The following SYNPO variants were observed in gnomAD, a reference collection of about 807,000 sequenced individuals.
SYNPO encodes synaptopodin.
SYNPO carries 19 observed loss-of-function variants against 49.5 expected under a neutral mutation model. The ratio of observed to expected loss-of-function variants is 0.38; its 90% CI spans 0.27 to 0.56. SYNPO has a LOEUF of 0.56. Among genes scored for constraint, SYNPO ranks in the 20% least tolerant of loss-of-function variants. The probability of loss-of-function intolerance (pLI) is 0.68; values close to 1 mark genes in which losing one functional copy is unlikely to be tolerated. For synonymous variants in SYNPO, 536 were observed against 548.0 expected (o/e 0.98, Z 0.31); for missense variants, 1,131 against 1,248.3 (o/e 0.91, Z 1.42).
chr5:150,647,882 T>C, intron 1 of SYNPO, 62 bp from the exon 2 acceptor site: 1 of 1,458,216 alleles, frequency 6.9e-7, no homozygotes, highest in South Asian at 1.3e-5. Flanking sequence ...TGCCTGTTTG[T>C]CCGTGCACCC....
intron 2 of SYNPO, among the ~76,000 whole-genome samples, chr5:150,654,661 C>T (rs1002731589): frequency 6.6e-6 from 1 of 152,134 alleles, no homozygotes; most frequent in Non-Finnish European, 1.5e-5. Context: ...TGTGAAAAAG[C>T]TCAGTGAGGG....
chr5:150,650,854 C>T, intron 2 of SYNPO: 1 of 1,269,400 alleles, frequency 7.9e-7, no homozygotes. Flanking sequence ...CTCCATGGGC[C>T]TGTCTCTTCT....
At chr5:150,609,756 G>C (rs1489590795) in intron 1 of SYNPO, among the ~76,000 whole-genome samples, 2 of 146,590 alleles carry the variant, frequency 1.4e-5, no homozygotes, top group East Asian at 4.3e-4. Context: ...TTAAACTGGG[G>C]GACAGGGTGA....
At chr5:150,647,640 G>A (rs950223565) in intron 1 of SYNPO, among the ~76,000 whole-genome samples, 1 of 152,198 alleles carries the variant, frequency 6.6e-6, no homozygotes, top group South Asian at 2.1e-4. Flanking sequence ...TGAGGTGTTC[G>A]TACTCAGTTT....
rs1456932460 is a variant in SYNPO at position 150,658,192 on chromosome 5, A to G, written c.*1105A>G. The G allele has an allele frequency of 6.6e-6, 1 of 152,180 alleles. No individual in the cohort carries two copies. Among genetic ancestry groups the G allele is most frequent in the Non-Finnish European group, 1.5e-5 (1 of 68,030 alleles). The allele number at this position is 152,180 out of a possible 1,614,324, so 9.4% of individuals were successfully genotyped here. A position where few individuals can be genotyped will look rare whatever the true frequency, so the allele number is the denominator to read the frequency against. On this transcript the variant is annotated 3_prime_UTR_variant, in exon 3 of 3. Transcript: ENST00000307662. ...TTCCAGTCTTGAAATGCATTCCATG[A>G]TATTAGGAAGTCGGGGGTGGGTGGT...
At chr5:150,647,238 CCTT>C (rs1378197379) in intron 1 of SYNPO, among the ~76,000 whole-genome samples, 5 of 145,890 alleles carry the variant, frequency 3.4e-5, no homozygotes, top group Admixed American at 3.3e-4. Context: ...AGCAAAAACT[CCTT>C]CTCAAAAAAA....
chr5:150,651,262 C>T (rs1411252255), intron 2 of SYNPO: 10 of 1,001,386 alleles, frequency 1.0e-5, no homozygotes, highest in African/African-American at 1.7e-5. Context: ...CGCAGTGGAA[C>T]GGGGCCCAGG....
intron 1 of SYNPO, among the ~76,000 whole-genome samples, chr5:150,604,417 C>G (rs111864706): frequency 6.6e-6 from 1 of 152,308 alleles, no homozygotes; most frequent in East Asian, 1.9e-4. Context: ...ACTTATTCAC[C>G]GACAGTGATG....
chr5:150,604,878 A>G (rs562505102), intron 1 of SYNPO, among the ~76,000 whole-genome samples: 1 of 152,276 alleles, frequency 6.6e-6, no homozygotes, highest in African/African-American at 2.4e-5. Context: ...AGCAAATGAT[A>G]TGCCCTAAGA....
At chr5:150,615,767 G>GTCTC in intron 1 of SYNPO, among the ~76,000 whole-genome samples, 1 of 152,212 alleles carries the variant, frequency 6.6e-6, no homozygotes, top group African/African-American at 2.4e-5. Context: ...TCTCCTCCAT[G>GTCTC]TCTCTGAATC....
At chr5:150,601,915 TCTCGG>T (rs1756552955) in intron 1 of SYNPO, among the ~76,000 whole-genome samples, 1 of 152,210 alleles carries the variant, frequency 6.6e-6, no homozygotes, top group Admixed American at 6.5e-5. Context: ...GTGATAACAA[TCTCGG>T]CTCCCACATC....
Position 150,640,788 on chromosome 5 carries a change from G to A in SYNPO, c.-399G>A, listed in dbSNP as rs1360198605. ...TGGCTGCCTTTGCCGGAGGCTTTGAGAACCAAGGCTTGAAGGCCGGCAGGA... is the reference window on the plus strand; with the variant it reads ...TGGCTGCCTTTGCCGGAGGCTTTGAAAACCAAGGCTTGAAGGCCGGCAGGA... On this transcript the variant is annotated 5_prime_UTR_variant, in exon 1 of 3. Coordinates refer to ENST00000307662, the MANE Select transcript of SYNPO (RefSeq NM_007286.6). The A allele has an allele frequency of 2.0e-6, 2 of 985,498 alleles. No individual in the cohort carries two copies. Among genetic ancestry groups the A allele is most frequent in the East Asian group, 1.1e-4 (1 of 8,966 alleles). The allele number at this position is 985,498 out of a possible 1,614,324, so 61.0% of individuals were successfully genotyped here. A position where few individuals can be genotyped will look rare whatever the true frequency, so the allele number is the denominator to read the frequency against.
At chr5:150,637,663 A>G (rs1471730664), upstream of SYNPO, among the ~76,000 whole-genome samples, 2 of 152,154 alleles carry the variant, frequency 1.3e-5, no homozygotes, top group East Asian at 1.9e-4. Context: ...GATAAACCTC[A>G]TCTCTCTGTT....
At chr5:150,618,731 A>G (rs1287047555) in exon 2 of SYNPO, 5 of 1,551,248 alleles carry the variant, frequency 3.2e-6, no homozygotes, top group Non-Finnish European at 4.4e-6. Context: ...AGCCAGCCCC[A>G]GCCCTGGCCC....
chr5:150,634,472 C>T (rs2151391295), intron 2 of SYNPO, among the ~76,000 whole-genome samples: 1 of 152,170 alleles, frequency 6.6e-6, no homozygotes, highest in South Asian at 2.1e-4. Context: ...GTGTATGGTG[C>T]TATGGTAGGC....
chr5:150,642,811 C>T (rs77051372), intron 1 of SYNPO, among the ~76,000 whole-genome samples: 1 of 152,364 alleles, frequency 6.6e-6, no homozygotes, highest in East Asian at 1.9e-4. Context: ...GCAGGGCTCT[C>T]TTACCTCCTG....
intron 1 of SYNPO, among the ~76,000 whole-genome samples, chr5:150,607,034 G>A (rs1756713313): frequency 6.6e-6 from 1 of 152,024 alleles, no homozygotes; most frequent in South Asian, 2.1e-4. Flanking sequence ...CCTACATTGG[G>A]GGGAGGGGGA....
Position 150,649,214 on chromosome 5 carries a change from G to T in SYNPO, c.939G>T (p.Gly313=), listed in dbSNP as rs766899302. The stretch of plus-strand genomic sequence containing the variant: ...CGGCCTCAGAGAGACGCCCCTTGGG[G>T]AACTTCACTGCACCCCCCACCTACA... ...RSPASERRPL[G]NFTAPPTYTE... is the part of the protein sequence containing the mutation. The change falls in exon 2 of 3, where the codon GGG becomes GGT. Residue 313 remains glycine (G), a synonymous_variant. Transcript: ENST00000307662. 10 of 1,614,064 alleles carry T rather than the reference G, an allele frequency of 6.2e-6. No homozygotes were observed. In the East Asian group the frequency reaches 2.2e-4, roughly 36 times the overall value.
intron 2 of SYNPO, among the ~76,000 whole-genome samples, chr5:150,634,388 C>T (rs1757639993): frequency 6.6e-6 from 1 of 152,184 alleles, no homozygotes; most frequent in Non-Finnish European, 1.5e-5. Context: ...TGTTCAGTTG[C>T]CTCCAAGTGC....
Sources: allele counts gnomAD v4.1 joint callset (sites outside exome capture counted in the v4.1 genomes callset), GRCh38; gene constraint gnomAD v4.1.1; transcripts MANE v1.5; gene names NCBI Gene and HGNC (gene_info 2026-07-23, HGNC 2026-07-21).